SEMA3E: variants seen among roughly 807,000 people sequenced by gnomAD.
SEMA3E encodes semaphorin-3E.
Under a neutral mutation model 93.6 loss-of-function variants are expected in SEMA3E, and 49 were observed. The ratio of observed to expected loss-of-function variants is 0.52; its 90% CI spans 0.42 to 0.66. The LOEUF (loss-of-function observed/expected upper bound fraction) is 0.66, where lower values mean the gene tolerates loss of function less well. Among genes scored for constraint, SEMA3E ranks in the 30% least tolerant of loss-of-function variants. SEMA3E has a pLI of 0.00. For missense variants in SEMA3E, 906 were observed against 964.8 expected, an observed-to-expected ratio of 0.94 and a Z score of 0.81; for synonymous variants, 363 against 330.7, an observed-to-expected ratio of 1.10 and a Z score of -1.06.
At chr7:83,585,093 T>G (rs1024715251) in intron 1 of SEMA3E, among the ~76,000 whole-genome samples, 5 of 152,124 alleles carry the variant, frequency 3.3e-5, no homozygotes, top group Non-Finnish European at 7.3e-5. Flanking sequence ...GTTATTTGCA[T>G]GTGCTGTTCC....
intron 4 of SEMA3E, among the ~76,000 whole-genome samples, chr7:83,441,882 G>C (rs1308594120): frequency 6.6e-6 from 1 of 152,064 alleles, no homozygotes; most frequent in Non-Finnish European, 1.5e-5. Context: ...AGTGTTTTTT[G>C]TTTTATTTTT....
intron 5 of SEMA3E, among the ~76,000 whole-genome samples, chr7:83,415,682 A>G (rs367979101): frequency 1.3e-5 from 2 of 152,100 alleles, no homozygotes; most frequent in Admixed American, 6.6e-5. Flanking sequence ...TTAAAATTGT[A>G]TCTAAAATTA....
At chr7:83,526,558 C>A (rs1484956361) in intron 1 of SEMA3E, among the ~76,000 whole-genome samples, 1 of 152,038 alleles carries the variant, frequency 6.6e-6, no homozygotes, top group Non-Finnish European at 1.5e-5. Flanking sequence ...ATTCCTGAAG[C>A]TTTGGAGGAG....
chr7:83,466,531 C>T lies in SEMA3E; in HGVS notation c.407G>A (p.Gly136Glu). 1 of 1,613,988 alleles carries T rather than the reference C, an allele frequency of 6.2e-7. No individual in the cohort carries two copies. The highest frequency in any genetic ancestry group is 8.5e-7 in the Non-Finnish European group (1 of 1,179,980). The stretch of plus-strand genomic sequence containing the variant: ...GAAGGCACAAACTGGATCAAAAGCT[C>T]CAGTACCACAGGTCAGAAGGTGTGT... ...NRTHLLTCGT[G>E]AFDPVCAFIR... The change falls in exon 4 of 17, where the codon GGA becomes GAA. Residue 136 changes from glycine (G) to glutamate (E), a missense_variant. Gly to Glu is a moderately conservative substitution (Grantham distance 98, BLOSUM62 -2). Coordinates refer to ENST00000643230, the MANE Select transcript of SEMA3E (RefSeq NM_012431.3).
chr7:83,386,958 G>C lies in SEMA3E; in HGVS notation c.1735+25C>G, dbSNP rs776160195. ...TTCAATGTATTCTCTGAGTAACCCA[G>C]AACAACTGATTTTCTATGGATTACC... On this transcript the variant is annotated intron_variant, in intron 15 of 16. Transcript: ENST00000643230. The C allele has an allele frequency of 5.6e-6, 9 of 1,606,770 alleles. No individual in the cohort carries two copies. The South Asian group carries it at 8.8e-5, about 16-fold the overall frequency.
intron 4 of SEMA3E, among the ~76,000 whole-genome samples, chr7:83,453,530 A>G (rs985592672): frequency 5.3e-5 from 8 of 152,154 alleles, no homozygotes; most frequent in African/African-American, 1.4e-4. Flanking sequence ...AAAACCATAT[A>G]CAGTAATTAG....
intron 1 of SEMA3E, among the ~76,000 whole-genome samples, chr7:83,545,225 G>T (rs1444213827): frequency 6.6e-6 from 1 of 151,974 alleles, no homozygotes; most frequent in African/African-American, 2.4e-5. Context: ...CTACATGGGG[G>T]CATAGCCCAT....
intron 1 of SEMA3E, among the ~76,000 whole-genome samples, chr7:83,594,857 A>G (rs1049298869): frequency 4.0e-5 from 6 of 151,672 alleles, no homozygotes; most frequent in Non-Finnish European, 7.4e-5. Flanking sequence ...GGTCTGAATG[A>G]TTCACTTTGC....
chr7:83,627,547 A>G (rs1474139061), intron 1 of SEMA3E, among the ~76,000 whole-genome samples: 1 of 147,502 alleles, frequency 6.8e-6, no homozygotes, highest in Non-Finnish European at 1.5e-5. Context: ...TCCCTTTACC[A>G]TTATGTAATG....
chr7:83,474,884 A>G (rs902839570), intron 2 of SEMA3E, among the ~76,000 whole-genome samples: 1 of 152,172 alleles, frequency 6.6e-6, no homozygotes, highest in Non-Finnish European at 1.5e-5. Context: ...CTAATTTGAC[A>G]TTCAATTTGA....
intron 4 of SEMA3E, among the ~76,000 whole-genome samples, chr7:83,432,079 C>CGGG (rs1788895973): frequency 6.6e-6 from 1 of 151,834 alleles, no homozygotes; most frequent in Non-Finnish European, 1.5e-5. Context: ...TTTGAATCAT[C>CGGG]ACAGCACAAT....
At chr7:83,448,441 GTT>G (rs1789283349) in intron 4 of SEMA3E, among the ~76,000 whole-genome samples, 1 of 151,726 alleles carries the variant, frequency 6.6e-6, no homozygotes, top group Admixed American at 6.6e-5. Flanking sequence ...GAGGCTAGGA[GTT>G]CAGGGCTACA....
intron 16 of SEMA3E, among the ~76,000 whole-genome samples, chr7:83,369,597 T>C (rs1443068486): frequency 6.6e-6 from 1 of 152,144 alleles, no homozygotes; most frequent in East Asian, 1.9e-4. Flanking sequence ...GGTGGGACCA[T>C]GTCCTGGTAG....
At chr7:83,370,263 A>T (rs1794732474) in intron 16 of SEMA3E, among the ~76,000 whole-genome samples, 1 of 152,150 alleles carries the variant, frequency 6.6e-6, no homozygotes, top group Non-Finnish European at 1.5e-5. Context: ...AACATAAATA[A>T]CCCTTTAATA....
At chr7:83,379,027 A>C (rs1787718318) in intron 16 of SEMA3E, among the ~76,000 whole-genome samples, 1 of 151,914 alleles carries the variant, frequency 6.6e-6, no homozygotes, top group Non-Finnish European at 1.5e-5. Context: ...TTGGATAAAG[A>C]AAACGTGGCA....
chr7:83,504,757 C>T (rs1790660999), intron 1 of SEMA3E, among the ~76,000 whole-genome samples: 1 of 151,966 alleles, frequency 6.6e-6, no homozygotes, highest in Non-Finnish European at 1.5e-5. Flanking sequence ...CCTAAGAAGA[C>T]CACCCATGTT....
At chr7:83,478,085 T>C (rs946944200) in intron 2 of SEMA3E, among the ~76,000 whole-genome samples, 8 of 152,120 alleles carry the variant, frequency 5.3e-5, no homozygotes, top group Non-Finnish European at 7.3e-5. Flanking sequence ...CACGCCCTGC[T>C]AATTTTTTTG....
chr7:83,554,643 A>G (rs1791844586), intron 1 of SEMA3E, among the ~76,000 whole-genome samples: 1 of 152,182 alleles, frequency 6.6e-6, no homozygotes, highest in Non-Finnish European at 1.5e-5. Context: ...TTTCAATTAC[A>G]GAACATTTAC....
At chr7:83,396,613 G>T in intron 12 of SEMA3E, 25 bp downstream of exon 12, 1 of 1,373,336 alleles carries the variant, frequency 7.3e-7, no homozygotes, top group Non-Finnish European at 1.0e-6. Context: ...GCATAAATTT[G>T]GTCTGTATTT....
Sources: allele counts gnomAD v4.1 joint callset (sites outside exome capture counted in the v4.1 genomes callset), GRCh38; gene constraint gnomAD v4.1.1; transcripts MANE v1.5; gene names NCBI Gene and HGNC (gene_info 2026-07-23, HGNC 2026-07-21).